The following AHI1 variants were observed in gnomAD, a reference collection of about 807,000 sequenced individuals.
The protein encoded by AHI1 is jouberin.
Under a neutral mutation model 149.3 loss-of-function variants are expected in AHI1, and 123 were observed. The ratio of observed to expected loss-of-function variants is 0.82; its 90% CI spans 0.71 to 0.96. The LOEUF (loss-of-function observed/expected upper bound fraction) is 0.96. Among genes scored for constraint, AHI1 ranks in the 40% least tolerant of loss-of-function variants. The pLI is 0.00. For synonymous variants in AHI1, 475 were observed against 459.8 expected, an observed-to-expected ratio of 1.03 and a Z score of -0.42; for missense variants, 1,439 against 1,422.7, an observed-to-expected ratio of 1.01 and a Z score of -0.18.
intron 22 of AHI1, among the ~76,000 whole-genome samples, chr6:135,396,741 T>G (rs1779267255): frequency 6.6e-6 from 1 of 151,680 alleles, no homozygotes; most frequent in South Asian, 2.1e-4. Context: ...AGTAATGCAT[T>G]TAAAAATCTG....
chr6:135,474,381 C>T (rs1354146967), intron 5 of AHI1: 3 of 152,196 alleles, frequency 2.0e-5, no homozygotes, highest in Non-Finnish European at 4.4e-5. Flanking sequence ...CACACAGTGA[C>T]TGACACATGC....
intron 20 of AHI1, among the ~76,000 whole-genome samples, chr6:135,423,128 A>G (rs530009618): frequency 6.6e-6 from 1 of 152,208 alleles, no homozygotes; most frequent in South Asian, 2.1e-4. Context: ...CCTACAATGA[A>G]GAGTTTTAGA....
chr6:135,312,746 C>T (rs1401424984), intron 26 of AHI1, among the ~76,000 whole-genome samples: 4 of 152,130 alleles, frequency 2.6e-5, no homozygotes, highest in East Asian at 1.9e-4. Context: ...TCATTTTAAA[C>T]GAACTTCTTA....
intron 23 of AHI1, among the ~76,000 whole-genome samples, chr6:135,365,681 GAATT>G (rs1562589739): frequency 6.6e-6 from 1 of 152,178 alleles, no homozygotes; most frequent in African/African-American, 2.4e-5. Flanking sequence ...AAACTCTACT[GAATT>G]AATTTATCAG....
intron 5 of AHI1, among the ~76,000 whole-genome samples, chr6:135,484,683 T>C (rs577666036): frequency 1.8e-4 from 27 of 152,132 alleles, no homozygotes; most frequent in African/African-American, 4.3e-4. Flanking sequence ...TTATTATCAC[T>C]AGCTATATGT....
chr6:135,479,460 G>T (rs574910169), intron 5 of AHI1, among the ~76,000 whole-genome samples: 4 of 152,336 alleles, frequency 2.6e-5, no homozygotes, highest in African/African-American at 9.6e-5. Context: ...TTTAATGACT[G>T]CCCTGCTGGG....
intron 24 of AHI1, among the ~76,000 whole-genome samples, chr6:135,352,745 T>C (rs1303779842): frequency 3.4e-5 from 5 of 148,448 alleles, no homozygotes; most frequent in Admixed American, 2.7e-4. Context: ...ACAATATATA[T>C]ACACACACAT....
At chr6:135,342,075 G>A (rs1195797784) in intron 24 of AHI1, among the ~76,000 whole-genome samples, 1 of 151,676 alleles carries the variant, frequency 6.6e-6, no homozygotes, top group Admixed American at 6.6e-5. Context: ...AAAACAAAAG[G>A]TAAGATCCAA....
intron 24 of AHI1, among the ~76,000 whole-genome samples, chr6:135,342,111 G>T (rs1276955483): frequency 2.6e-5 from 4 of 151,302 alleles, no homozygotes; most frequent in African/African-American, 9.7e-5. Flanking sequence ...AATGAAAGAA[G>T]AAGTATCATT....
intron 23 of AHI1, among the ~76,000 whole-genome samples, chr6:135,369,308 G>A (rs1353819208): frequency 6.6e-6 from 1 of 152,162 alleles, no homozygotes; most frequent in Non-Finnish European, 1.5e-5. Flanking sequence ...CCCTCTAACA[G>A]GTCTGTGGAT....
At chr6:135,480,966 C>A (rs1035832110) in intron 5 of AHI1, among the ~76,000 whole-genome samples, 1 of 152,184 alleles carries the variant, frequency 6.6e-6, no homozygotes, top group South Asian at 2.1e-4. Flanking sequence ...ACACTTTCAT[C>A]CTGAAACCAT....
At chr6:135,352,747 C>T (rs1405950292) in intron 24 of AHI1, among the ~76,000 whole-genome samples, 1 of 147,098 alleles carries the variant, frequency 6.8e-6, no homozygotes. Context: ...AATATATATA[C>T]ACACACATAT....
At chr6:135,395,340 C>A (rs369775684) in intron 22 of AHI1, among the ~76,000 whole-genome samples, 6 of 151,970 alleles carry the variant, frequency 3.9e-5, no homozygotes, top group African/African-American at 1.4e-4. Context: ...TGTTTATATA[C>A]ATCATGGTGA....
intron 28 of AHI1, among the ~76,000 whole-genome samples, chr6:135,286,922 G>T (rs180922756): frequency 3.3e-5 from 5 of 152,260 alleles, no homozygotes; most frequent in Admixed American, 2.6e-4. Flanking sequence ...GAAAAAGTAC[G>T]TAAAACTTTC....
intron 5 of AHI1, among the ~76,000 whole-genome samples, chr6:135,483,387 T>C (rs1225596205): frequency 6.6e-6 from 1 of 152,136 alleles, no homozygotes; most frequent in Non-Finnish European, 1.5e-5. Context: ...TTAAAATCAA[T>C]TCACTGCACA....
chr6:135,330,633 G>A (rs1395608253), intron 24 of AHI1, among the ~76,000 whole-genome samples: 5 of 152,332 alleles, frequency 3.3e-5, no homozygotes, highest in Non-Finnish European at 7.3e-5. Flanking sequence ...AGGTATGACT[G>A]TACAGAATTG....
intron 5 of AHI1, among the ~76,000 whole-genome samples, chr6:135,469,622 T>C (rs1312560619): frequency 1.3e-5 from 2 of 151,924 alleles, no homozygotes; most frequent in African/African-American, 4.8e-5. Context: ...AAAACAGACA[T>C]ACAGACCAAT....
Position 135,441,737 on chromosome 6 carries a change from C to T in AHI1, c.1912+845G>A, listed in dbSNP as rs955656959. ...AGCATTTCCTAAGAACCTTTTTTCC[C>T]TCTACATATGGGTTTTTGGTGAATT... On this transcript the variant is annotated intron_variant, in intron 14 of 28. Transcript: ENST00000265602. 5.3e-5 allele frequency among the ~76,000 whole-genome samples: 8 copies of T among 152,004 alleles called. 1 individual carries two copies. The highest frequency in any genetic ancestry group is 1.9e-4 in the African/African-American group (8 of 41,390).
intron 24 of AHI1, among the ~76,000 whole-genome samples, chr6:135,344,168 A>C (rs1372640142): frequency 6.6e-6 from 1 of 151,958 alleles, no homozygotes; most frequent in Non-Finnish European, 1.5e-5. Context: ...TGCTATACAA[A>C]TAGTTGTTAT....
Sources: allele counts gnomAD v4.1 joint callset (sites outside exome capture counted in the v4.1 genomes callset), GRCh38; gene constraint gnomAD v4.1.1; transcripts MANE v1.5; gene names NCBI Gene and HGNC (gene_info 2026-07-23, HGNC 2026-07-21).